The following VAT1L variants were observed in gnomAD, a reference collection of about 807,000 sequenced individuals.
VAT1L encodes putative NADPH-dependent quinone oxidoreductase VAT1L.
VAT1L carries 34 observed loss-of-function variants against 44.1 expected under a neutral mutation model. That is an observed-to-expected ratio of 0.77 (90% CI 0.59 to 1.03). The LOEUF (loss-of-function observed/expected upper bound fraction) is 1.03, where lower values mean the gene tolerates loss of function less well. Among genes scored for constraint, VAT1L ranks in the 50% least tolerant of loss-of-function variants. The pLI, the probability that VAT1L is intolerant of heterozygous loss-of-function variation, is 0.00. For missense variants in VAT1L, 615 were observed against 538.8 expected (o/e 1.14, Z -1.40); for synonymous variants, 253 against 202.2 (o/e 1.25, Z -2.13).
At chr16:77,872,635 C>T (rs1263502708) in intron 4 of VAT1L, among the ~76,000 whole-genome samples, 1 of 152,126 alleles carries the variant, frequency 6.6e-6, no homozygotes, top group African/African-American at 2.4e-5. Context: ...AGTCTTCCTC[C>T]CACCATAAGG....
chr16:77,898,955 G>A (rs2017352828), intron 7 of VAT1L, among the ~76,000 whole-genome samples: 1 of 152,188 alleles, frequency 6.6e-6, no homozygotes, highest in South Asian at 2.1e-4. Context: ...GGTTCTGCCA[G>A]GAAAGTGCCA....
rs2018224116 is a variant in VAT1L, at chr16:77,966,508, G to C, written c.1078-5342G>C. Among the ~76,000 whole-genome samples, 3 of 152,180 alleles carry C rather than the reference G, an allele frequency of 2.0e-5. No individual in the cohort carries two copies. In the South Asian group the frequency reaches 6.2e-4, roughly 32 times the overall value. On this transcript the variant is annotated intron_variant, in intron 7 of 8. Transcript: ENST00000302536. The stretch of plus-strand genomic sequence containing the variant: ...AACTTCAGATACATCGTAAGTGGTG[G>C]ACGTGAGTGTGTGATGAAAGGTGAA...
intron 7 of VAT1L, among the ~76,000 whole-genome samples, chr16:77,908,306 A>C (rs866974619): frequency 2.1e-4 from 32 of 151,672 alleles, no homozygotes; most frequent in African/African-American, 7.5e-4. Context: ...TGAGAATTAC[A>C]AAAAAATTAG....
chr16:77,873,495 G>A (rs540639615), intron 4 of VAT1L, among the ~76,000 whole-genome samples: 1 of 152,234 alleles, frequency 6.6e-6, no homozygotes, highest in African/African-American at 2.4e-5. Flanking sequence ...TGAAACACTT[G>A]TGCATTCCTC....
chr16:77,866,623 A>G (rs918498214), intron 4 of VAT1L, among the ~76,000 whole-genome samples: 5 of 152,320 alleles, frequency 3.3e-5, no homozygotes, highest in African/African-American at 9.6e-5. Flanking sequence ...AAAAAAAAAA[A>G]AAGATAAAAT....
intron 7 of VAT1L, among the ~76,000 whole-genome samples, chr16:77,933,628 G>A (rs1297094825): frequency 1.3e-5 from 2 of 152,224 alleles, no homozygotes; most frequent in Non-Finnish European, 2.9e-5. Context: ...AGGGGAGTCA[G>A]GCAAAGCCTG....
At chr16:77,832,274 G>A (rs1028610716) in intron 3 of VAT1L, among the ~76,000 whole-genome samples, 2 of 152,114 alleles carry the variant, frequency 1.3e-5, no homozygotes, top group Non-Finnish European at 2.9e-5. Context: ...ATAAAGAGTT[G>A]GAGAGAAACA....
At chr16:77,813,486 G>C (rs2145230949) in intron 1 of VAT1L, among the ~76,000 whole-genome samples, 1 of 152,344 alleles carries the variant, frequency 6.6e-6, no homozygotes, top group East Asian at 1.9e-4. Flanking sequence ...CAGGAGGTGT[G>C]ATGGAGCTGG....
At chr16:77,914,399 T>C (rs2017530191) in intron 7 of VAT1L, among the ~76,000 whole-genome samples, 1 of 152,204 alleles carries the variant, frequency 6.6e-6, no homozygotes, top group African/African-American at 2.4e-5. Context: ...CACTTTCAGT[T>C]ATGTCATTTT....
chr16:77,948,968 G>A (rs1324844646), intron 7 of VAT1L, among the ~76,000 whole-genome samples: 1 of 152,128 alleles, frequency 6.6e-6, no homozygotes, highest in Non-Finnish European at 1.5e-5. Context: ...TAAAATCACT[G>A]TCACTTATCA....
chr16:77,976,416 A>C (rs77485487), intron 8 of VAT1L, among the ~76,000 whole-genome samples: 2,013 of 152,014 alleles, frequency 0.013, 50 homozygotes, highest in African/African-American at 0.045. Flanking sequence ...GGGTAGAGGA[A>C]TGACATTCCA....
At chr16:77,906,414 A>G (rs2017437310) in intron 7 of VAT1L, among the ~76,000 whole-genome samples, 1 of 152,212 alleles carries the variant, frequency 6.6e-6, no homozygotes, top group Non-Finnish European at 1.5e-5. Context: ...GACTTGCACA[A>G]TAGGACAGTC....
At chr16:77,888,835 A>C (rs2017234843) in intron 7 of VAT1L, among the ~76,000 whole-genome samples, 1 of 152,240 alleles carries the variant, frequency 6.6e-6, no homozygotes. Flanking sequence ...GTCACCAGCC[A>C]GATAAAGGAA....
rs114658614 is a variant in VAT1L at position 77,859,642 on chromosome 16, G to A, written c.580-3106G>A. 1.0e-3 allele frequency among the ~76,000 whole-genome samples: 157 copies of A among 152,300 alleles called. 1 individual carries two copies. Among genetic ancestry groups the A allele is most frequent in the African/African-American group, 3.4e-3 (142 of 41,570 alleles). ...CAGCCAGGTCAGGTGGAGGAGTGTT[G>A]TCATAGTCCAGGGTGAGAAATGTGA... is the stretch of plus-strand genomic sequence containing the variant. On this transcript the variant is annotated intron_variant, in intron 3 of 8. Coordinates refer to ENST00000302536, the MANE Select transcript of VAT1L (RefSeq NM_020927.3).
At chr16:77,969,460 G>A (rs886416415) in intron 7 of VAT1L, among the ~76,000 whole-genome samples, 11 of 152,018 alleles carry the variant, frequency 7.2e-5, no homozygotes, top group Non-Finnish European at 1.5e-4. Context: ...CATTTGGACC[G>A]AGGGTATCTG....
chr16:77,941,081 A>AT (rs996413304), intron 7 of VAT1L, among the ~76,000 whole-genome samples: 21 of 152,078 alleles, frequency 1.4e-4, no homozygotes, highest in Admixed American at 5.2e-4. Flanking sequence ...AATAATACTG[A>AT]TTTTTTTCCC....
intron 7 of VAT1L, among the ~76,000 whole-genome samples, chr16:77,893,274 G>A (rs2017287635): frequency 6.6e-6 from 1 of 152,166 alleles, no homozygotes; most frequent in Non-Finnish European, 1.5e-5. Flanking sequence ...CAAAGTGGGG[G>A]TGTGGGATGG....
At chr16:77,803,993 G>C (rs1051986288) in intron 1 of VAT1L, among the ~76,000 whole-genome samples, 2 of 152,110 alleles carry the variant, frequency 1.3e-5, no homozygotes, top group Non-Finnish European at 1.5e-5. Context: ...TGCTAGCTGT[G>C]ACTCTTGTAC....
intron 3 of VAT1L, among the ~76,000 whole-genome samples, chr16:77,846,317 C>T (rs1279077399): frequency 1.3e-5 from 2 of 152,122 alleles, no homozygotes; most frequent in African/African-American, 4.8e-5. Context: ...CAGCAGGTTC[C>T]GCTTGATCCC....
Sources: allele counts gnomAD v4.1 joint callset (sites outside exome capture counted in the v4.1 genomes callset), GRCh38; gene constraint gnomAD v4.1.1; transcripts MANE v1.5; gene names NCBI Gene and HGNC (gene_info 2026-07-23, HGNC 2026-07-21).